The following HSDL2 variants were observed in gnomAD, a reference collection of about 807,000 sequenced individuals.
HSDL2 encodes hydroxysteroid dehydrogenase like 2, also known as hydroxysteroid dehydrogenase-like protein 2.
Under a neutral mutation model 46.3 loss-of-function variants are expected in HSDL2, and 27 were observed. The observed-to-expected ratio is 0.58, with a 90% CI of 0.43 to 0.80. The LOEUF (loss-of-function observed/expected upper bound fraction) is 0.80, where lower values mean the gene tolerates loss of function less well. Among genes scored for constraint, HSDL2 ranks in the 30% least tolerant of loss-of-function variants. The probability of loss-of-function intolerance (pLI) is 0.00; values close to 1 mark genes in which losing one functional copy is unlikely to be tolerated. For missense variants in HSDL2, 451 were observed against 502.7 expected (o/e 0.90, Z 0.98); for synonymous variants, 153 against 163.6 (o/e 0.94, Z 0.50).
chr9:112,416,603 AAG>A (rs1491266462), intron 4 of HSDL2, among the ~76,000 whole-genome samples: 18 of 141,306 alleles, frequency 1.3e-4, no homozygotes, highest in Non-Finnish European at 2.6e-4. Flanking sequence ...AAAAAAAAAA[AAG>A]TACAGAAATT....
At chr9:112,449,999 C>T (rs1286973968) in intron 8 of HSDL2, among the ~76,000 whole-genome samples, 13 of 152,082 alleles carry the variant, frequency 8.5e-5, no homozygotes, top group Non-Finnish European at 1.8e-4. Flanking sequence ...TGGGCTAATA[C>T]TTTATTGTTA....
chr9:112,406,179 A>AG (rs375809765), intron 3 of HSDL2, among the ~76,000 whole-genome samples: 41 of 150,882 alleles, frequency 2.7e-4, no homozygotes, highest in African/African-American at 7.3e-4. Context: ...AAAAAAAAAA[A>AG]AGAAAAAGAG....
chr9:112,437,815 G>T (rs1023436781), intron 6 of HSDL2, among the ~76,000 whole-genome samples: 7 of 152,188 alleles, frequency 4.6e-5, no homozygotes, highest in Non-Finnish European at 8.8e-5. Context: ...CCTTAAACAG[G>T]CATGCAAATT....
At chr9:112,381,691 A>G (rs894968313) in intron 1 of HSDL2, among the ~76,000 whole-genome samples, 3 of 152,160 alleles carry the variant, frequency 2.0e-5, no homozygotes, top group Admixed American at 6.5e-5. Context: ...ATTCTGTAAC[A>G]GCTTGAGTAT....
At chr9:112,400,208 T>C (rs1039709960) in intron 1 of HSDL2, among the ~76,000 whole-genome samples, 2 of 152,208 alleles carry the variant, frequency 1.3e-5, no homozygotes, top group African/African-American at 4.8e-5. Flanking sequence ...TATCATTTCA[T>C]AATACTGAAT....
chr9:112,390,607 T>C (rs1831320043), intron 1 of HSDL2, among the ~76,000 whole-genome samples: 1 of 151,796 alleles, frequency 6.6e-6, no homozygotes, highest in African/African-American at 2.4e-5. Flanking sequence ...TGCACACCAA[T>C]ACACTGGGCT....
At chr9:112,404,274 T>C in intron 2 of HSDL2, 116 bp downstream of exon 2, 2 of 971,836 alleles carry the variant, frequency 2.1e-6, no homozygotes, top group Non-Finnish European at 3.0e-6. Context: ...TAATTTTATC[T>C]AGTGAAAGAA....
intron 10 of HSDL2, among the ~76,000 whole-genome samples, chr9:112,467,553 T>A (rs1564137835): frequency 6.6e-6 from 1 of 152,208 alleles, no homozygotes; most frequent in Non-Finnish European, 1.5e-5. Context: ...TTCCTTTTCT[T>A]ATAAGGGCAC....
intron 9 of HSDL2, among the ~76,000 whole-genome samples, chr9:112,459,089 T>C (rs1192833434): frequency 6.6e-6 from 1 of 152,226 alleles, no homozygotes; most frequent in African/African-American, 2.4e-5. Flanking sequence ...TGAAACTCTG[T>C]ACCCATTAAA....
In HSDL2 at chr9:112,386,645, G is replaced by A. The variant is rs555984429; in HGVS notation, c.17+6465G>A. Among the ~76,000 whole-genome samples, 96 of 150,766 alleles carry A rather than the reference G, an allele frequency of 6.4e-4. 1 individual carries two copies. The highest frequency in any genetic ancestry group is 2.2e-3 in the African/African-American group (90 of 41,288). ...AAAAAAAAATAAAAATTAACCAAGC[G>A]TGGTGATGCACACCCGTGATCCTAG... On this transcript the variant is annotated intron_variant, in intron 1 of 10. Transcript: ENST00000398805.
chr9:112,428,417 G>GT (rs1256775017), intron 6 of HSDL2, among the ~76,000 whole-genome samples: 1 of 152,106 alleles, frequency 6.6e-6, no homozygotes, highest in Non-Finnish European at 1.5e-5. Flanking sequence ...GAAGAGTGTT[G>GT]TTTTTTGCAG....
chr9:112,441,813 A>G, intron 8 of HSDL2, 43 bp downstream of exon 8: 1 of 1,250,754 alleles, frequency 8.0e-7, no homozygotes, highest in Admixed American at 1.8e-5. Flanking sequence ...TATAAATCCT[A>G]ACTTATGTAT....
At chr9:112,388,771 G>T (rs1402850399) in intron 1 of HSDL2, among the ~76,000 whole-genome samples, 1 of 147,632 alleles carries the variant, frequency 6.8e-6, no homozygotes, top group East Asian at 2.2e-4. Context: ...AAAAAGTAAG[G>T]ATCATTATAT....
At chr9:112,406,206 G>A (rs1305995297) in intron 3 of HSDL2, among the ~76,000 whole-genome samples, 1 of 151,750 alleles carries the variant, frequency 6.6e-6, no homozygotes, top group African/African-American at 2.4e-5. Context: ...ATGATAGACT[G>A]TGGAGACTGG....
intron 8 of HSDL2, among the ~76,000 whole-genome samples, chr9:112,449,750 A>T (rs1208599860): frequency 6.6e-6 from 1 of 151,836 alleles, no homozygotes; most frequent in Non-Finnish European, 1.5e-5. Context: ...CTGTAATCCC[A>T]GCTGCCCAGG....
At chr9:112,452,939 A>G (rs969000588) in intron 8 of HSDL2, among the ~76,000 whole-genome samples, 4 of 152,296 alleles carry the variant, frequency 2.6e-5, no homozygotes, top group African/African-American at 9.6e-5. Context: ...CAGAGAGGGC[A>G]GCCTGTTAGT....
At chr9:112,422,597 G>C (rs1403187660) in intron 6 of HSDL2, among the ~76,000 whole-genome samples, 1 of 152,176 alleles carries the variant, frequency 6.6e-6, no homozygotes, top group Non-Finnish European at 1.5e-5. Flanking sequence ...AATGGAGAGA[G>C]ACTTAGAAGA....
chr9:112,441,583 C>G (rs1169973397), intron 7 of HSDL2, 116 bp from the exon 8 acceptor site: 5 of 615,766 alleles, frequency 8.1e-6, no homozygotes, highest in Non-Finnish European at 1.4e-5. Flanking sequence ...CTCACAGAGG[C>G]CTTTTCTTTT....
At position 112,385,525 on chromosome 9, in the gene HSDL2, T is replaced by C. The variant is rs533192784; in HGVS notation, c.17+5345T>C. Among the ~76,000 whole-genome samples, 564 of 150,296 alleles carry C rather than the reference T, an allele frequency of 3.8e-3. 3 individuals are homozygous for C. Among genetic ancestry groups the C allele is most frequent in the African/African-American group, 0.013 (543 of 40,800 alleles). On this transcript the variant is annotated intron_variant, in intron 1 of 10. Coordinates refer to ENST00000398805, the MANE Select transcript of HSDL2 (RefSeq NM_032303.5). ...TTTTTTTTTTGACAGAATCTTGCACTGTCGCCCAGGCTGGAGTGCAGTGGC... is the reference window on the plus strand; with the variant it reads ...TTTTTTTTTTGACAGAATCTTGCACCGTCGCCCAGGCTGGAGTGCAGTGGC...
Sources: allele counts gnomAD v4.1 joint callset (sites outside exome capture counted in the v4.1 genomes callset), GRCh38; gene constraint gnomAD v4.1.1; transcripts MANE v1.5; gene names NCBI Gene and HGNC (gene_info 2026-07-23, HGNC 2026-07-21).